PCDHGA7: variants seen among roughly 807,000 people sequenced by gnomAD.
The protein encoded by PCDHGA7 is protocadherin gamma subfamily A, 7.
PCDHGA7 carries 44 observed loss-of-function variants against 58.3 expected under a neutral mutation model. That is an observed-to-expected ratio of 0.75 (90% CI 0.59 to 0.97). PCDHGA7 has a LOEUF of 0.97. Ranked by LOEUF, PCDHGA7 falls within the 50% of genes least tolerant of loss-of-function variation. The pLI is 0.00. For missense variants in PCDHGA7, 1,266 were observed against 1,188.7 expected (o/e 1.06, Z -0.96); for synonymous variants, 516 against 504.2 (o/e 1.02, Z -0.31).
intron 1 of PCDHGA7, chr5:141,418,408 A>G (rs2096253819): frequency 8.1e-6 from 13 of 1,614,032 alleles, no homozygotes; most frequent in Non-Finnish European, 1.1e-5. Flanking sequence ...TGGTGGAGAA[A>G]GACAATCCTG....
At chr5:141,414,919 G>A (rs2095801962) in intron 1 of PCDHGA7, 2 of 1,614,050 alleles carry the variant, frequency 1.2e-6, no homozygotes, top group African/African-American at 2.7e-5. Context: ...CGTGGAGCTG[G>A]CGCCCCGCTC....
At chr5:141,393,166 G>A in intron 1 of PCDHGA7, 2 of 1,613,244 alleles carry the variant, frequency 1.2e-6, no homozygotes, top group Non-Finnish European at 1.7e-6. Flanking sequence ...AAACTCTTTG[G>A]GGTAGAAATA....
At chr5:141,446,968 G>A (rs1052445705) in intron 1 of PCDHGA7, among the ~76,000 whole-genome samples, 12 of 152,050 alleles carry the variant, frequency 7.9e-5, no homozygotes, top group African/African-American at 2.4e-4. Flanking sequence ...AGGGAAATTT[G>A]CTGTCTAATT....
Position 141,477,376 on chromosome 5 carries a change from G to A in PCDHGA7, c.2425-17431G>A. The A allele has an allele frequency of 6.2e-7, 1 of 1,614,146 alleles. No homozygotes were observed. Among genetic ancestry groups the A allele is most frequent in the Non-Finnish European group, 8.5e-7 (1 of 1,180,026 alleles). ...GTGCAGACCTGGATCGGGAGACTGT[G>A]CCAGAATACAACCTCAGCATCACCG... On this transcript the variant is annotated intron_variant, in intron 1 of 3. Transcript: ENST00000518325. This position sits in a 1 kb window ranked among gnomAD's most constrained non-coding sequence, Gnocchi z 4.9.
intron 2 of PCDHGA7, among the ~76,000 whole-genome samples, chr5:141,503,940 C>G (rs890249753): frequency 6.6e-6 from 1 of 152,218 alleles, no homozygotes; most frequent in Non-Finnish European, 1.5e-5. Flanking sequence ...TTCATGCCTT[C>G]AAGGCCTACC....
intron 3 of PCDHGA7, among the ~76,000 whole-genome samples, chr5:141,508,646 G>A (rs1434098773): frequency 2.6e-5 from 4 of 152,014 alleles, no homozygotes; most frequent in African/African-American, 9.7e-5. Flanking sequence ...ACTCCGTCAG[G>A]CCCTTCCTGT....
intron 1 of PCDHGA7, among the ~76,000 whole-genome samples, chr5:141,454,773 G>A (rs1272535268): frequency 6.9e-6 from 1 of 144,540 alleles, no homozygotes; most frequent in East Asian, 2.0e-4. Flanking sequence ...TTTTTTACAA[G>A]GAAATAATCC....
rs866752085 is a variant in PCDHGA7, at chr5:141,424,634, A to G, written c.2424+39311A>G. ...AATAGAGTAGTTTGTGAATATATAA[A>G]TAGATTGAAGGTATTTGGACTTTAA... On this transcript the variant is annotated intron_variant, in intron 1 of 3. Coordinates refer to ENST00000518325, the MANE Select transcript of PCDHGA7 (RefSeq NM_018920.4). 6 of 152,338 alleles carry G rather than the reference A, an allele frequency of 3.9e-5. No individual in the cohort carries two copies. The South Asian group carries it at 1.2e-3, about 32-fold the overall frequency. 9.4% of individuals were successfully genotyped at this position (152,338 alleles called of 1,614,324 possible).
At chr5:141,438,091 C>T (rs964466012) in intron 1 of PCDHGA7, among the ~76,000 whole-genome samples, 1 of 152,098 alleles carries the variant, frequency 6.6e-6, no homozygotes, top group Admixed American at 6.6e-5. Flanking sequence ...TTACCAGTAA[C>T]AGGGCATACT....
chr5:141,407,873 A>T (rs561323423), intron 1 of PCDHGA7: 1 of 354,686 alleles, frequency 2.8e-6, no homozygotes, highest in Non-Finnish European at 5.1e-6. Flanking sequence ...CGAAGAATAT[A>T]TACATTTCGG....
chr5:141,434,044 A>T (rs2097670450), intron 1 of PCDHGA7, among the ~76,000 whole-genome samples: 2 of 152,132 alleles, frequency 1.3e-5, no homozygotes, highest in South Asian at 4.1e-4. Flanking sequence ...TTTCTATTTT[A>T]TTCAATGGCC....
At chr5:141,393,730 G>A in intron 1 of PCDHGA7, 1 of 1,613,842 alleles carries the variant, frequency 6.2e-7, no homozygotes, top group Non-Finnish European at 8.5e-7. Context: ...ATAGCAAAAA[G>A]TCTAGATTAT....
chr5:141,481,895 A>G (rs1285005477), intron 1 of PCDHGA7, among the ~76,000 whole-genome samples: 2 of 147,522 alleles, frequency 1.4e-5, no homozygotes, highest in Non-Finnish European at 3.0e-5. Context: ...GCCTGGGTGA[A>G]AGAGCGAAAC....
At chr5:141,430,985 G>T (rs773308629) in intron 1 of PCDHGA7, 4 of 1,613,780 alleles carry the variant, frequency 2.5e-6, no homozygotes, top group Non-Finnish European at 3.4e-6. Flanking sequence ...GCAGCTTTTC[G>T]CCCTGAATCC....
In PCDHGA7 at chr5:141,511,186, G is replaced by T; in HGVS notation, c.*13G>T. On this transcript the variant is annotated 3_prime_UTR_variant, in exon 4 of 4. Transcript: ENST00000518325. ...GGAGAAGAAGTAACATGGAGGCCAG[G>T]CCAAGAGCCACAGGGCGGCCTCTCC... 6.2e-7 allele frequency: 1 copy of T among 1,613,906 alleles called. No individual in the cohort carries two copies. The highest frequency in any genetic ancestry group is 2.2e-5 in the East Asian group (1 of 44,876).
At chr5:141,468,346 A>AG (rs2099164784) in intron 1 of PCDHGA7, 33 of 147,324 alleles carry the variant, frequency 2.2e-4, no homozygotes, top group Middle Eastern at 6.9e-3. Flanking sequence ...AAAAAAAAAA[A>AG]AAAGAAAGAA....
Position 141,444,232 on chromosome 5 carries a change from C to T in PCDHGA7, c.2425-50575C>T, listed in dbSNP as rs1411172798. Among the ~76,000 whole-genome samples the T allele has an allele frequency of 2.5e-5, 3 of 122,350 alleles. No individual in the cohort carries two copies. In the Admixed American group the frequency reaches 3.3e-4, roughly 14 times the overall value. The allele number at this position is 122,350 out of a possible 152,430, so 80.3% of individuals were successfully genotyped here. ...TGTTGCCCAGGCTGGAGTGCAATGG[C>T]ATGCTCTCGGCTCACTGCAACCTCC... is the stretch of plus-strand genomic sequence containing the variant. On this transcript the variant is annotated intron_variant, in intron 1 of 3. Coordinates refer to ENST00000518325, the MANE Select transcript of PCDHGA7 (RefSeq NM_018920.4).
At chr5:141,441,663 G>A (rs777315226) in intron 1 of PCDHGA7, 20 of 260,482 alleles carry the variant, frequency 7.7e-5, no homozygotes, top group Non-Finnish European at 1.2e-4. Context: ...GTCCTTGAGC[G>A]CACAGTGCGC....
At position 141,481,719 on chromosome 5, in the gene PCDHGA7, G is replaced by A. The variant is rs1055207250; in HGVS notation, c.2425-13088G>A. On this transcript the variant is annotated intron_variant, in intron 1 of 3. Coordinates refer to ENST00000518325, the MANE Select transcript of PCDHGA7 (RefSeq NM_018920.4). ...CTGTAATCCCAGCACTTTGGGAGGC[G>A]GAGGCGGGCGGATCACGAGGTCAGG... 5.3e-5 allele frequency among the ~76,000 whole-genome samples: 8 copies of A among 151,716 alleles called. No homozygotes were observed. In the East Asian group the frequency reaches 9.7e-4, roughly 18 times the overall value.
Sources: gnomAD v4.1 joint callset for allele counts (sites outside exome capture counted in the v4.1 genomes callset) on GRCh38, gnomAD v4.1.1 for gene constraint, Gnocchi (gnomAD v3.1) non-coding constraint, MANE v1.5 for transcripts, NCBI Gene and HGNC (gene_info 2026-07-23, HGNC 2026-07-21) for gene names.